The following CAPN15 variants were observed in gnomAD, a reference collection of about 807,000 sequenced individuals.
CAPN15 encodes calpain-15.
CAPN15 carries 53 observed loss-of-function variants against 97.9 expected under a neutral mutation model. The observed-to-expected ratio is 0.54, with a 90% CI of 0.43 to 0.68. CAPN15 has a LOEUF of 0.68. Among genes scored for constraint, CAPN15 ranks in the 30% least tolerant of loss-of-function variants. The pLI is 0.00. For synonymous variants in CAPN15, 922 were observed against 722.5 expected (o/e 1.28, Z -4.43); for missense variants, 1,592 against 1,589.8 (o/e 1.00, Z -0.02).
intron 3 of CAPN15, chr16:537,364 C>T: frequency 1.0e-6 from 1 of 985,612 alleles, no homozygotes; most frequent in Middle Eastern, 5.2e-4. Context: ...CTAAAGGCAT[C>T]AGTGAGGAGC....
rs569779560 is a variant in CAPN15, at chr16:554,401, C to G, written c.*885C>G. The G allele has an allele frequency of 6.7e-4, 281 of 422,308 alleles. No homozygotes were observed. Among genetic ancestry groups the G allele is most frequent in the African/African-American group, 5.2e-3 (256 of 49,096 alleles). The allele number at this position is 422,308 out of a possible 1,614,324, so 26.2% of individuals were successfully genotyped here. On this transcript the variant is annotated 3_prime_UTR_variant, in exon 14 of 14. Transcript: ENST00000219611. The stretch of plus-strand genomic sequence containing the variant: ...AGCGGGCCGGCCTCGCCCCCACTCC[C>G]CCTCCTACCCCGGCAGGGGCTTCCG...
At chr16:539,642 G>C (rs755095488) in intron 3 of CAPN15, 1 of 152,264 alleles carries the variant, frequency 6.6e-6, no homozygotes, top group Non-Finnish European at 1.5e-5. Flanking sequence ...AGGCATGGTC[G>C]GGCTCCCGTC....
chr16:540,197 G>A, intron 3 of CAPN15: 1 of 985,474 alleles, frequency 1.0e-6, no homozygotes, highest in Non-Finnish European at 1.2e-6. Flanking sequence ...GCCATGGGGA[G>A]CTCCGCCTCC....
rs553861759 is a variant in CAPN15, at chr16:537,586, C to T, written c.-23+1444C>T. The T allele has an allele frequency of 4.5e-4, 143 of 319,204 alleles. 1 individual carries two copies. The highest frequency in any genetic ancestry group is 2.0e-3 in the African/African-American group (89 of 44,518). 19.8% of individuals were successfully genotyped at this position (319,204 alleles called of 1,614,324 possible). On this transcript the variant is annotated intron_variant, in intron 3 of 13. Transcript: ENST00000219611. ...TCTGTCCCGTGGCACCTCCGCTAGT[C>T]GCCGCTCCCACCCAAGCCCTGCCCC...
At chr16:545,122 G>T (rs1165631611) in intron 3 of CAPN15, among the ~76,000 whole-genome samples, 1 of 152,040 alleles carries the variant, frequency 6.6e-6, no homozygotes. Context: ...GGTCAAGGCT[G>T]CAGTGAGCCG....
At chr16:545,047 G>C (rs1243299056) in intron 3 of CAPN15, among the ~76,000 whole-genome samples, 1 of 151,914 alleles carries the variant, frequency 6.6e-6, no homozygotes, top group Admixed American at 6.5e-5. Context: ...CTCAGGCCTG[G>C]CTTTGGGTCT....
intron 3 of CAPN15, among the ~76,000 whole-genome samples, chr16:542,230 A>G (rs552522765): frequency 1.3e-5 from 2 of 152,344 alleles, no homozygotes; most frequent in African/African-American, 4.8e-5. Context: ...GCTTCTGTGG[A>G]CAATGCTGTG....
intron 3 of CAPN15, chr16:539,448 T>G (rs887671617): frequency 1.3e-5 from 2 of 152,286 alleles, no homozygotes; most frequent in Non-Finnish European, 2.9e-5. Flanking sequence ...GGGGGTAAGG[T>G]GGCCTTCCCA....
chr16:528,964 G>A (rs1441826633), intron 1 of CAPN15, among the ~76,000 whole-genome samples: 1 of 152,236 alleles, frequency 6.6e-6, no homozygotes, highest in Non-Finnish European at 1.5e-5. Flanking sequence ...CAAGGATATA[G>A]GGGTGATTCT....
At position 552,259 on chromosome 16, in the gene CAPN15, GC is replaced by G; in HGVS notation, c.2508-40del. The G allele has an allele frequency of 6.5e-7, 1 of 1,535,404 alleles. No individual in the cohort carries two copies. Among genetic ancestry groups the G allele is most frequent in the Non-Finnish European group, 8.8e-7 (1 of 1,140,450 alleles). On this transcript the variant is annotated intron_variant, in intron 10 of 13. Coordinates refer to ENST00000219611, the MANE Select transcript of CAPN15 (RefSeq NM_005632.3). The surrounding 1 kb of genome is among the most constrained non-coding windows in gnomAD (Gnocchi z 6.4). ...CGGGCTGGGCTGGGCTAGGCTGGCG[GC>G]CGTGACCACGCGTGACCCTGGCCCG...
intron 9 of CAPN15, 91 bp downstream of exon 9, chr16:551,755 C>A: frequency 6.6e-7 from 1 of 1,520,112 alleles, no homozygotes; most frequent in Non-Finnish European, 8.9e-7. Context: ...TCCTGCTGAC[C>A]TGGGGTGGGG....
At chr16:549,519 C>T (rs2034840152) in intron 6 of CAPN15, 48 bp downstream of exon 6, 6 of 1,537,626 alleles carry the variant, frequency 3.9e-6, no homozygotes, top group East Asian at 2.4e-5. Flanking sequence ...CAGCCTCTGA[C>T]CCCAGCCCCG....
At chr16:548,911 C>G (rs1396966332) in intron 4 of CAPN15, 82 bp from the exon 5 acceptor site, 2 of 1,314,742 alleles carry the variant, frequency 1.5e-6, no homozygotes, top group East Asian at 4.6e-5. Context: ...CTTTTGGGCG[C>G]TCTCCTGGGT....
chr16:553,285 C>T (rs1347455734), intron 13 of CAPN15, 54 bp from the exon 14 acceptor site: 5 of 1,333,196 alleles, frequency 3.8e-6, no homozygotes, highest in Non-Finnish European at 5.3e-6. Flanking sequence ...GGGCACAGCC[C>T]TGCCCCCATC....
chr16:529,667 G>T (rs960803226), intron 1 of CAPN15, among the ~76,000 whole-genome samples: 87 of 152,258 alleles, frequency 5.7e-4, no homozygotes, highest in African/African-American at 1.7e-3. Flanking sequence ...CCTCTGGCCC[G>T]CGGTGTGATG....
chr16:552,930 A>G lies in CAPN15; in HGVS notation c.2972A>G (p.Asn991Ser). The change falls in exon 13 of 14, where the codon AAC becomes AGC. Residue 991 changes from asparagine (N) to serine (S), a missense_variant. Asn to Ser is a conservative substitution (Grantham distance 46). Coordinates refer to ENST00000219611, the MANE Select transcript of CAPN15 (RefSeq NM_005632.3). The surrounding 1 kb of genome is among the most constrained non-coding windows in gnomAD (Gnocchi z 6.4). ...GWAGLIVVVE[N>S]RHPKAYLHVQ... Reference sequence around the variant, plus strand: ...GCGGGGCTCATCGTGGTGGTGGAGAACCGACACCCCAAGGCCTACCTGCAC... The same window carrying G: ...GCGGGGCTCATCGTGGTGGTGGAGAGCCGACACCCCAAGGCCTACCTGCAC... 1 of 1,611,886 alleles carries G rather than the reference A, an allele frequency of 6.2e-7. No homozygotes were observed.
At position 552,595 on chromosome 16, in the gene CAPN15, G is replaced by A. The variant is rs9922777; in HGVS notation, c.2738-10G>A. ...GGGGAGGGCTGCGGTTCACACGCCCGTCCTTGTAGCCTCCAGCCCCTCGGC... is the reference window on the plus strand; with the variant it reads ...GGGGAGGGCTGCGGTTCACACGCCCATCCTTGTAGCCTCCAGCCCCTCGGC... On this transcript the variant is annotated splice_polypyrimidine_tract_variant and intron_variant, in intron 11 of 13. Transcript: ENST00000219611. This position sits in a 1 kb window ranked among gnomAD's most constrained non-coding sequence, Gnocchi z 6.4. The A allele has an allele frequency of 1.2e-4, 184 of 1,543,496 alleles. No homozygotes were observed. Among genetic ancestry groups the A allele is most frequent in the African/African-American group, 4.0e-4 (29 of 73,302 alleles).
chr16:548,457 G>A (rs1407150557), intron 4 of CAPN15, among the ~76,000 whole-genome samples, 170 bp downstream of exon 4: 1 of 152,212 alleles, frequency 6.6e-6, no homozygotes, highest in African/African-American at 2.4e-5. Context: ...TGGCCCTGGG[G>A]TCCAGCTTGG....
At chr16:537,354 C>T (rs77993325) in intron 3 of CAPN15, 104,576 of 985,532 alleles carry the variant, frequency 0.11, 5,812 homozygotes, top group African/African-American at 0.17. Context: ...TGCCTTGGGC[C>T]TAAAGGCATC....
Sources: allele counts gnomAD v4.1 joint callset (sites outside exome capture counted in the v4.1 genomes callset), GRCh38; gene constraint gnomAD v4.1.1; non-coding constraint Gnocchi (gnomAD v3.1); transcripts MANE v1.5; gene names NCBI Gene and HGNC (gene_info 2026-07-23, HGNC 2026-07-21).